BBS9: variants seen among roughly 807,000 people sequenced by gnomAD.
BBS9 encodes the protein Bardet-Biedl syndrome 9.
Under a neutral mutation model 117.7 loss-of-function variants are expected in BBS9, and 89 were observed. The ratio of observed to expected loss-of-function variants is 0.76; its 90% CI spans 0.64 to 0.90. The LOEUF is 0.90. Among genes scored for constraint, BBS9 ranks in the 40% least tolerant of loss-of-function variants. BBS9 has a pLI of 0.00. For synonymous variants in BBS9, 379 were observed against 370.9 expected, an observed-to-expected ratio of 1.02 and a Z score of -0.25; for missense variants, 982 against 1,042.2, an observed-to-expected ratio of 0.94 and a Z score of 0.80.
chr7:33,584,657 T>C (rs1860581127), intron 21 of BBS9, among the ~76,000 whole-genome samples: 1 of 152,258 alleles, frequency 6.6e-6, no homozygotes. Context: ...GATCAAGTTA[T>C]CTTTAATTAT....
At chr7:33,448,255 A>G (rs12056024) in intron 19 of BBS9, among the ~76,000 whole-genome samples, 11 of 152,064 alleles carry the variant, frequency 7.2e-5, no homozygotes, top group Non-Finnish European at 1.6e-4. Flanking sequence ...GCCCCAGTTC[A>G]GGCCTCTCTC....
chr7:33,622,310 G>A (rs960553701), intron 21 of BBS9, among the ~76,000 whole-genome samples: 5 of 152,182 alleles, frequency 3.3e-5, no homozygotes, highest in Admixed American at 2.0e-4. Context: ...AAAGTAGAAT[G>A]GTGGCTCTCA....
chr7:33,292,935 G>A (rs1804372101), intron 9 of BBS9, among the ~76,000 whole-genome samples: 1 of 151,884 alleles, frequency 6.6e-6, no homozygotes, highest in African/African-American at 2.4e-5. Context: ...GAACCTGGGC[G>A]GCAGAGGTTG....
At position 33,605,206 on chromosome 7, in the gene BBS9, C is replaced by T; in HGVS notation, c.2644C>T (p.Leu882Phe). Reference protein sequence around the residue: ...AETPRPEVSPLQGVSE With the variant: ...AETPRPEVSPFQGVSE ...CTCTTTTTTTCCAGAAGTTTCACCC[C>T]TCCAAGGAGTCTCGGAATAATTCAA... Residue 882 changes from leucine (L) to phenylalanine (F), a missense_variant, in exon 23 of 23, where the codon CTC (leucine) becomes TTC (phenylalanine). Leu to Phe is a conservative substitution (Grantham distance 22). Coordinates refer to ENST00000242067, the MANE Select transcript of BBS9 (RefSeq NM_198428.3). 6 of 1,612,776 alleles carry T rather than the reference C, an allele frequency of 3.7e-6. No individual in the cohort carries two copies. Among genetic ancestry groups the T allele is most frequent in the Non-Finnish European group, 4.2e-6 (5 of 1,178,780 alleles).
At chr7:33,560,217 T>C (rs1215170165) in intron 21 of BBS9, among the ~76,000 whole-genome samples, 1 of 152,190 alleles carries the variant, frequency 6.6e-6, no homozygotes, top group Non-Finnish European at 1.5e-5. Flanking sequence ...GATGGGTATA[T>C]GTAGTATATC....
At chr7:33,444,400 G>C (rs1363318480) in intron 19 of BBS9, among the ~76,000 whole-genome samples, 1 of 152,134 alleles carries the variant, frequency 6.6e-6, no homozygotes, top group Non-Finnish European at 1.5e-5. Flanking sequence ...AAATTTTTCT[G>C]TTTTCCAATG....
intron 11 of BBS9, 58 bp downstream of exon 11, chr7:33,341,031 A>T: frequency 2.1e-6 from 3 of 1,459,542 alleles, no homozygotes; most frequent in Non-Finnish European, 2.9e-6. Flanking sequence ...CTGATGAATT[A>T]GGACCAAAAT....
intron 21 of BBS9, among the ~76,000 whole-genome samples, chr7:33,579,715 T>C (rs1025080461): frequency 2.0e-5 from 3 of 152,122 alleles, no homozygotes; most frequent in Admixed American, 2.0e-4. Context: ...AAATAAAATG[T>C]CAGCCAAGCA....
chr7:33,486,991 T>A lies in BBS9; in HGVS notation c.2116-18472T>A, dbSNP rs143338746. 1.8e-3 allele frequency among the ~76,000 whole-genome samples: 276 copies of A among 152,384 alleles called. 6 individuals are homozygous for A. In the East Asian group the frequency reaches 0.049, roughly 27 times the overall value. ...ACCCCACTGGGGTATCTTCGTAATT[T>A]GTATGTGCTGAACTAATGATGTTTT... is the stretch of plus-strand genomic sequence containing the variant. On this transcript the variant is annotated intron_variant, in intron 19 of 22. Transcript: ENST00000242067.
At chr7:33,456,319 A>C (rs6960094) in intron 19 of BBS9, among the ~76,000 whole-genome samples, 33,907 of 152,124 alleles carry the variant, frequency 0.22, 5,031 homozygotes, top group African/African-American at 0.43. Context: ...AATGAAGGAA[A>C]AAATGTGCAT....
intron 19 of BBS9, among the ~76,000 whole-genome samples, chr7:33,492,993 C>T (rs1844224268): frequency 7.2e-6 from 1 of 138,814 alleles, no homozygotes; most frequent in Non-Finnish European, 1.6e-5. Flanking sequence ...TCTTCTTCTT[C>T]TTTCTTCTTT....
At chr7:33,543,654 G>A (rs1852779913) in intron 21 of BBS9, among the ~76,000 whole-genome samples, 1 of 152,086 alleles carries the variant, frequency 6.6e-6, no homozygotes, top group Non-Finnish European at 1.5e-5. Context: ...TCTTAACTTT[G>A]TATAACCTGA....
chr7:33,621,656 A>T (rs980544334), intron 21 of BBS9, among the ~76,000 whole-genome samples: 1 of 152,196 alleles, frequency 6.6e-6, no homozygotes, highest in Non-Finnish European at 1.5e-5. Flanking sequence ...TAGAACTACT[A>T]TATCATCCAG....
chr7:33,529,655 A>G (rs1372623762), intron 20 of BBS9, among the ~76,000 whole-genome samples: 2 of 74,942 alleles, frequency 2.7e-5, no homozygotes, highest in East Asian at 3.3e-4. Flanking sequence ...CCACTCCCCC[A>G]CCGCTGTTGT....
intron 19 of BBS9, among the ~76,000 whole-genome samples, chr7:33,425,146 T>C (rs1362616613): frequency 6.6e-6 from 1 of 152,136 alleles, no homozygotes; most frequent in African/African-American, 2.4e-5. Flanking sequence ...CATTTTGTTA[T>C]CTACCATTCT....
intron 9 of BBS9, among the ~76,000 whole-genome samples, chr7:33,312,186 G>A (rs1201359398): frequency 6.6e-6 from 1 of 151,800 alleles, no homozygotes; most frequent in East Asian, 2.0e-4. Flanking sequence ...ACCTTTCTTG[G>A]TTTCACAAGA....
At chr7:33,138,920 TG>T (rs1480197208) in intron 1 of BBS9, among the ~76,000 whole-genome samples, 1 of 151,230 alleles carries the variant, frequency 6.6e-6, no homozygotes, top group African/African-American at 2.4e-5. Context: ...TTTGTTATTT[TG>T]TCAGTACAAG....
At chr7:33,513,778 A>G (rs1444656704) in intron 20 of BBS9, among the ~76,000 whole-genome samples, 1 of 152,224 alleles carries the variant, frequency 6.6e-6, no homozygotes, top group Non-Finnish European at 1.5e-5. Context: ...CAATCTTACC[A>G]GTGATGAATA....
At chr7:33,311,618 A>G (rs1809241739) in intron 9 of BBS9, among the ~76,000 whole-genome samples, 1 of 152,166 alleles carries the variant, frequency 6.6e-6, no homozygotes, top group South Asian at 2.1e-4. Flanking sequence ...GGAGTTCGAG[A>G]CCAGCCTGGC....
Sources: gnomAD v4.1 joint callset for allele counts (sites outside exome capture counted in the v4.1 genomes callset) on GRCh38, gnomAD v4.1.1 for gene constraint, MANE v1.5 for transcripts, NCBI Gene and HGNC (gene_info 2026-07-23, HGNC 2026-07-21) for gene names.